Variants in FAM209B observed in about 807,000 individuals in gnomAD.
The protein encoded by FAM209B is family with sequence similarity 209 member B, also known as protein FAM209B.
In FAM209B, 8 loss-of-function variants were observed where a neutral mutation model predicts 8.9. The ratio of observed to expected loss-of-function variants is 0.90; its 90% CI spans 0.53 to 1.62. The LOEUF (loss-of-function observed/expected upper bound fraction) is 1.62, where lower values mean the gene tolerates loss of function less well. Among genes scored for constraint, FAM209B ranks in the 40% most tolerant of loss-of-function variants. The pLI, the probability that FAM209B is intolerant of heterozygous loss-of-function variation, is 0.00. For missense variants in FAM209B, 175 were observed against 205.3 expected (o/e 0.85, Z 0.90); for synonymous variants, 67 against 75.0 (o/e 0.89, Z 0.55).
rs759472197 is a variant in FAM209B at position 56,533,474 on chromosome 20, C to T, written c.133C>T (p.Arg45Trp). 21 of 1,614,000 alleles carry T rather than the reference C, an allele frequency of 1.3e-5. No individual in the cohort carries two copies. The highest frequency in any genetic ancestry group is 1.6e-4 in the Middle Eastern group (1 of 6,084). ...GCCGTGTGGAGAGCACTTTCGGATTCGGCAGAACCTACCAGAGCACACCCA... is the reference window on the plus strand; with the variant it reads ...GCCGTGTGGAGAGCACTTTCGGATTTGGCAGAACCTACCAGAGCACACCCA... ...KVPCGEHFRI[R>W]QNLPEHTQGW... is the part of the protein sequence containing the mutation. The change falls in exon 1 of 2, where the codon CGG (arginine) becomes TGG (tryptophan). Residue 45 changes from arginine to tryptophan, a missense_variant. Physicochemically the swap from Arg to Trp is moderately radical, Grantham distance 101. This residue lies in a region of FAM209B where 166 missense variants were observed against 174.5 expected (regional missense o/e 0.95). Coordinates refer to ENST00000371325, the MANE Select transcript of FAM209B (RefSeq NM_001013646.4).
rs1342307127 is a variant in FAM209B at position 56,536,236 on chromosome 20, C to T, written c.314C>T (p.Ala105Val). ...FRTPLKKNQN[A>V]SLYKDCVFNT... ...ACTCCACTAAAGAAAAATCAAAATG[C>T]TTCTCTTTACAAAGACTGTGTATTC... The change falls in exon 2 of 2, where the codon GCT becomes GTT. Residue 105 changes from alanine to valine, a missense_variant. By Grantham distance (64) the Ala-to-Val change is moderately conservative (BLOSUM62 0). Coordinates refer to ENST00000371325, the MANE Select transcript of FAM209B (RefSeq NM_001013646.4). 6.3e-7 allele frequency: 1 copy of T among 1,596,046 alleles called. No homozygotes were observed. The highest frequency in any genetic ancestry group is 2.2e-5 in the East Asian group (1 of 44,480).
At chr20:56,534,621 G>A (rs1436429553) in intron 1 of FAM209B, among the ~76,000 whole-genome samples, 3 of 151,294 alleles carry the variant, frequency 2.0e-5, no homozygotes, top group Non-Finnish European at 3.0e-5. Context: ...AGTGGCGGGC[G>A]CCTGTAATCC....
intron 1 of FAM209B, among the ~76,000 whole-genome samples, chr20:56,534,722 C>A (rs1487654067): frequency 1.9e-5 from 2 of 104,414 alleles, no homozygotes; most frequent in Admixed American, 2.8e-4. Context: ...CACTCCAGCC[C>A]AGGTGACAGA....
At chr20:56,533,745 C>T (rs1169189504) in intron 1 of FAM209B, among the ~76,000 whole-genome samples, 155 bp downstream of exon 1, 2 of 152,168 alleles carry the variant, frequency 1.3e-5, no homozygotes, top group African/African-American at 2.4e-5. Context: ...CTGATGTATC[C>T]TTAGTGAAGA....
chr20:56,536,087 T>G, intron 1 of FAM209B, 85 bp from the exon 2 acceptor site: 1 of 1,257,120 alleles, frequency 8.0e-7, no homozygotes, highest in Non-Finnish European at 1.1e-6. Flanking sequence ...AACCATCTTT[T>G]CTTAAATGAG....
In FAM209B at chr20:56,536,403, A is replaced by G. The variant is rs772553858; in HGVS notation, c.481A>G (p.Ile161Val). ...EMPADPYHVT[I>V]CKIWGEESSS is the part of the protein sequence containing the mutation. ...GCCTGCAGATCCATACCATGTCACAATCTGTAAAATATGGGGAGAAGAAAG... is the reference window on the plus strand; with the variant it reads ...GCCTGCAGATCCATACCATGTCACAGTCTGTAAAATATGGGGAGAAGAAAG... The change falls in exon 2 of 2, where the codon ATC (isoleucine) becomes GTC (valine). Residue 161 changes from isoleucine (I) to valine (V), a missense_variant. Ile to Val is a conservative substitution (Grantham distance 29). This residue lies in a region of FAM209B where 166 missense variants were observed against 174.5 expected (regional missense o/e 0.95). Coordinates refer to ENST00000371325, the MANE Select transcript of FAM209B (RefSeq NM_001013646.4). 6 of 1,608,990 alleles carry G rather than the reference A, an allele frequency of 3.7e-6. No individual in the cohort carries two copies. The highest frequency in any genetic ancestry group is 4.2e-6 in the Non-Finnish European group (5 of 1,178,118).
chr20:56,533,827 C>T (rs1489379660), intron 1 of FAM209B, among the ~76,000 whole-genome samples: 2 of 152,168 alleles, frequency 1.3e-5, no homozygotes, highest in African/African-American at 2.4e-5. Flanking sequence ...GCTCAAAGTT[C>T]TTCTGGTTAG....
In FAM209B at chr20:56,533,548, G is replaced by T; in HGVS notation, c.207G>T (p.Pro69=). The change falls in exon 1 of 2, where the codon CCG becomes CCT. Residue 69 remains proline, a synonymous_variant. Transcript: ENST00000371325. The part of the protein sequence containing the change: ...KWLWLLFAVV[P]FVILQCQRDS... ...TCTGGCTTTTGTTTGCTGTTGTGCC[G>T]TTTGTGATACTGCAGTGTCAAAGAG... 1 of 1,614,162 alleles carries T rather than the reference G, an allele frequency of 6.2e-7. No individual in the cohort carries two copies. The highest frequency in any genetic ancestry group is 2.2e-5 in the East Asian group (1 of 44,880).
chr20:56,534,608 C>T (rs1171931711), intron 1 of FAM209B, among the ~76,000 whole-genome samples: 1 of 151,462 alleles, frequency 6.6e-6, no homozygotes, highest in Non-Finnish European at 1.5e-5. Context: ...CCTAGCTGGG[C>T]GTAGTGGCGG....
chr20:56,533,910 C>A (rs1159490040), intron 1 of FAM209B, among the ~76,000 whole-genome samples: 4 of 152,162 alleles, frequency 2.6e-5, no homozygotes, highest in African/African-American at 9.7e-5. Flanking sequence ...AATCCCATCA[C>A]TTTGGGAGGC....
Position 56,533,333 on chromosome 20 carries a change from C to T in FAM209B, c.-9C>T, listed in dbSNP as rs372336904. On this transcript the variant is annotated 5_prime_UTR_variant, in exon 1 of 2. Coordinates refer to ENST00000371325, the MANE Select transcript of FAM209B (RefSeq NM_001013646.4). ...TCATGAGCAACTCCCTTCCCCATCT[C>T]TGCTCACCATGTGGACGCTGAAATC... 1.9e-6 allele frequency: 3 copies of T among 1,613,586 alleles called. No individual in the cohort carries two copies. The highest frequency in any genetic ancestry group is 1.7e-5 in the Admixed American group (1 of 59,996).
rs980900413 is a variant in FAM209B, at chr20:56,536,503, C to T, written c.*65C>T. The T allele has an allele frequency of 2.7e-6, 4 of 1,474,376 alleles. No homozygotes were observed. In the African/African-American group the frequency reaches 4.3e-5, roughly 16 times the overall value. 91.3% of individuals were successfully genotyped at this position (1,474,376 alleles called of 1,614,324 possible). A position where few individuals can be genotyped will look rare whatever the true frequency, so the allele number is the denominator to read the frequency against. On this transcript the variant is annotated 3_prime_UTR_variant, in exon 2 of 2. Transcript: ENST00000371325. ...ACAAACTGTATGCAAACTAATAAAA[C>T]TATTCTGAAGAAAAGAACTTCCATG...
chr20:56,536,061 A>C, intron 1 of FAM209B, 111 bp from the exon 2 acceptor site: 1 of 906,238 alleles, frequency 1.1e-6, no homozygotes, highest in Non-Finnish European at 1.6e-6. Context: ...CAGTGCCTGC[A>C]CTCGAGCACT....
At chr20:56,535,413 A>T (rs1024996964) in intron 1 of FAM209B, among the ~76,000 whole-genome samples, 4 of 150,668 alleles carry the variant, frequency 2.7e-5, no homozygotes, top group Admixed American at 6.6e-5. Context: ...CCAACATGAT[A>T]AAACCCTGTC....
In FAM209B at chr20:56,533,290, C is replaced by G; in HGVS notation, c.-52C>G. On this transcript the variant is annotated 5_prime_UTR_variant, in exon 1 of 2. Coordinates refer to ENST00000371325, the MANE Select transcript of FAM209B (RefSeq NM_001013646.4). ...CACCAGGTGCCCAGTCTTCCAGTTGCGAGGGCAAGCAAACCCGTCATGAGC... is the reference window on the plus strand; with the variant it reads ...CACCAGGTGCCCAGTCTTCCAGTTGGGAGGGCAAGCAAACCCGTCATGAGC... 6.2e-7 allele frequency: 1 copy of G among 1,602,996 alleles called. No individual in the cohort carries two copies.
chr20:56,535,274 C>G (rs1165338460), intron 1 of FAM209B, among the ~76,000 whole-genome samples: 1 of 151,362 alleles, frequency 6.6e-6, no homozygotes, highest in African/African-American at 2.4e-5. Context: ...GTCCCAGCTA[C>G]TTGGGAGGCT....
intron 1 of FAM209B, among the ~76,000 whole-genome samples, chr20:56,535,242 G>C (rs1049898829): frequency 2.6e-5 from 4 of 151,180 alleles, no homozygotes; most frequent in African/African-American, 9.7e-5. Context: ...AAAATTAGCT[G>C]GTATGGTGGT....
At position 56,533,404 on chromosome 20, in the gene FAM209B, GTTCTC is replaced by G. The variant is rs746291505; in HGVS notation, c.70_74del (p.Ser24GlufsTer5). ...GCCTCACCTGCAGCTATGCCTTTAT[GTTCTC>G]TTCTCTGAGACAGAAAACTAGCGAA... On this transcript the variant is annotated frameshift_variant, in exon 1 of 2. Transcript: ENST00000371325. LOFTEE classifies it high-confidence loss of function. 1.9e-6 allele frequency: 3 copies of G among 1,614,080 alleles called. No individual in the cohort carries two copies. In the South Asian group the frequency reaches 3.3e-5, roughly 18 times the overall value.
chr20:56,534,291 TCCCA>T (rs1311853728), intron 1 of FAM209B, among the ~76,000 whole-genome samples: 4 of 151,980 alleles, frequency 2.6e-5, no homozygotes, highest in Admixed American at 6.6e-5. Flanking sequence ...AATGATATCA[TCCCA>T]ACAAAATATG....
Sources: allele counts gnomAD v4.1 joint callset (sites outside exome capture counted in the v4.1 genomes callset), GRCh38; gene constraint gnomAD v4.1.1; regional missense constraint gnomAD v4.1.1; transcripts MANE v1.5; gene names NCBI Gene and HGNC (gene_info 2026-07-23, HGNC 2026-07-21).